The following ACSM1 variants were observed in gnomAD, a reference collection of about 807,000 sequenced individuals.
The protein encoded by ACSM1 is acyl-CoA synthetase medium chain family member 1.
ACSM1 carries 79 observed loss-of-function variants against 75.8 expected under a neutral mutation model. The observed-to-expected ratio is 1.04, with a 90% CI of 0.87 to 1.26. ACSM1 has a LOEUF of 1.26. ACSM1 is among the 50% of genes most tolerant of loss of function. ACSM1 has a pLI of 0.00. For synonymous variants in ACSM1, 279 were observed against 265.8 expected (o/e 1.05, Z -0.48); for missense variants, 676 against 720.1 (o/e 0.94, Z 0.70).
chr16:20,670,247 T>C (rs2019820527), intron 5 of ACSM1, among the ~76,000 whole-genome samples: 1 of 152,182 alleles, frequency 6.6e-6, no homozygotes, highest in Non-Finnish European at 1.5e-5. Flanking sequence ...AGACATGTCA[T>C]CCCTATCCAT....
At chr16:20,635,457 C>G (rs1445444980) in intron 10 of ACSM1, among the ~76,000 whole-genome samples, 1 of 152,068 alleles carries the variant, frequency 6.6e-6, no homozygotes, top group Non-Finnish European at 1.5e-5. Flanking sequence ...CTGGTTGCAT[C>G]CAAGTACTAC....
intron 2 of ACSM1, 152 bp from the exon 3 acceptor site, chr16:20,685,555 C>T (rs1247905382): frequency 2.7e-6 from 2 of 745,042 alleles, no homozygotes; most frequent in Non-Finnish European, 2.3e-6. Context: ...GGCGCAGTGG[C>T]TCATGCTTGT....
At chr16:20,635,164 G>A (rs559492049) in intron 10 of ACSM1, among the ~76,000 whole-genome samples, 110 of 152,234 alleles carry the variant, frequency 7.2e-4, no homozygotes, top group African/African-American at 2.6e-3. Context: ...GGAGGCTGAG[G>A]CAGGGGGGTT....
Position 20,654,008 on chromosome 16 carries a change from C to T in ACSM1, c.992+7786G>A, listed in dbSNP as rs370337302. On this transcript the variant is annotated intron_variant, in intron 7 of 13. Coordinates refer to ENST00000520010, the MANE Select transcript of ACSM1 (RefSeq NM_001318890.3). Reference sequence around the variant, plus strand: ...CGCGCTACCTGACTTCAAACGATACCACAAGGCTACAGTAACCAAAACAGC... The same window carrying T: ...CGCGCTACCTGACTTCAAACGATACTACAAGGCTACAGTAACCAAAACAGC... 2.0e-5 allele frequency among the ~76,000 whole-genome samples: 3 copies of T among 152,172 alleles called. No individual in the cohort carries two copies. In the East Asian group the frequency reaches 5.8e-4, roughly 29 times the overall value.
intron 10 of ACSM1, among the ~76,000 whole-genome samples, chr16:20,627,869 C>CATACATATATACATAT (rs1449856164): frequency 1.8e-4 from 14 of 77,536 alleles, no homozygotes; most frequent in Non-Finnish European, 2.2e-4. Context: ...TGTATGTATA[C>CATACATATATACATAT]ATATATATAT....
intron 7 of ACSM1, among the ~76,000 whole-genome samples, chr16:20,657,678 A>G (rs912862263): frequency 6.6e-6 from 1 of 151,994 alleles, no homozygotes; most frequent in African/African-American, 2.4e-5. Context: ...ACATATGGAT[A>G]CATGTGCCAC....
At chr16:20,646,905 A>G (rs1177962102) in intron 7 of ACSM1, among the ~76,000 whole-genome samples, 2 of 152,234 alleles carry the variant, frequency 1.3e-5, no homozygotes, top group African/African-American at 4.8e-5. Flanking sequence ...ATTCCTGCCT[A>G]AAGATAATTT....
chr16:20,669,986 A>T lies in ACSM1; in HGVS notation c.753T>A (p.Ser251Arg). 6.2e-7 allele frequency: 1 copy of T among 1,613,418 alleles called. No individual in the cohort carries two copies. The highest frequency in any genetic ancestry group is 8.5e-7 in the Non-Finnish European group (1 of 1,179,728). The stretch of plus-strand genomic sequence containing the variant: ...ATGTCTTCAGGCTCCGTAATTTCCT[A>T]CTAACTCCAAAATGCAGTGGCCTCA... ...GLALQPSFPG[S>R]RKLRSLKTSD... The change falls in exon 6 of 14, where the codon AGT (serine) becomes AGA (arginine). Residue 251 changes from serine (S) to arginine (R), a missense_variant and splice_region_variant. By Grantham distance (110) the Ser-to-Arg change is moderately radical. Transcript: ENST00000520010.
intron 10 of ACSM1, among the ~76,000 whole-genome samples, chr16:20,632,446 A>G (rs905954736): frequency 3.3e-5 from 5 of 152,218 alleles, no homozygotes; most frequent in Admixed American, 3.3e-4. Flanking sequence ...GATAAAATGG[A>G]AAAACTACTG....
At chr16:20,687,825 T>C (rs2079580089) in intron 2 of ACSM1, among the ~76,000 whole-genome samples, 1 of 152,146 alleles carries the variant, frequency 6.6e-6, no homozygotes, top group Admixed American at 6.5e-5. Flanking sequence ...GGCTCATGCC[T>C]GTAAACCCAG....
rs562111395 is a variant in ACSM1 at position 20,654,254 on chromosome 16, A to T, written c.992+7540T>A. ...CCCCTTATACAAAAGTTAATTGAAG[A>T]TGGATTAAAGACTGAAATGTTAGAC... is the stretch of plus-strand genomic sequence containing the variant. On this transcript the variant is annotated intron_variant, in intron 7 of 13. Coordinates refer to ENST00000520010, the MANE Select transcript of ACSM1 (RefSeq NM_001318890.3). Among the ~76,000 whole-genome samples, 3 of 152,340 alleles carry T rather than the reference A, an allele frequency of 2.0e-5. No individual in the cohort carries two copies. In the South Asian group the frequency reaches 6.2e-4, roughly 32 times the overall value.
intron 4 of ACSM1, among the ~76,000 whole-genome samples, chr16:20,673,838 CAAT>C (rs1344574782): frequency 1.3e-5 from 2 of 152,118 alleles, no homozygotes; most frequent in African/African-American, 2.4e-5. Context: ...ATATGTAACA[CAAT>C]AACCCCCTGA....
At chr16:20,658,808 A>G (rs992832994) in intron 7 of ACSM1, among the ~76,000 whole-genome samples, 1 of 152,204 alleles carries the variant, frequency 6.6e-6, no homozygotes, top group African/African-American at 2.4e-5. Flanking sequence ...TTGGCCGGAA[A>G]AGAGATTAAA....
intron 10 of ACSM1, among the ~76,000 whole-genome samples, chr16:20,633,215 T>C (rs1346161576): frequency 6.6e-6 from 1 of 152,098 alleles, no homozygotes; most frequent in Non-Finnish European, 1.5e-5. Flanking sequence ...AAAGATGAAG[T>C]AAAATTATCT....
At chr16:20,668,396 G>A (rs1253664303) in intron 6 of ACSM1, among the ~76,000 whole-genome samples, 1 of 152,120 alleles carries the variant, frequency 6.6e-6, no homozygotes, top group African/African-American at 2.4e-5. Flanking sequence ...GATGGGAAGG[G>A]TGGTCAGTCT....
At chr16:20,677,076 C>A (rs1019955207) in intron 4 of ACSM1, among the ~76,000 whole-genome samples, 5 of 152,058 alleles carry the variant, frequency 3.3e-5, no homozygotes, top group African/African-American at 1.2e-4. Flanking sequence ...CTACTCCAAC[C>A]ACCTGGTGTC....
At chr16:20,628,136 G>A (rs1033792832) in intron 10 of ACSM1, among the ~76,000 whole-genome samples, 3 of 151,674 alleles carry the variant, frequency 2.0e-5, no homozygotes, top group South Asian at 2.1e-4. Flanking sequence ...TTCATTTTAA[G>A]ACAAATGTGG....
chr16:20,657,419 C>T (rs2019036717), intron 7 of ACSM1, among the ~76,000 whole-genome samples: 1 of 152,070 alleles, frequency 6.6e-6, no homozygotes, highest in Non-Finnish European at 1.5e-5. Flanking sequence ...AGCAATTTTC[C>T]TGCCTCAGCC....
chr16:20,637,188 G>C, intron 9 of ACSM1, 183 bp downstream of exon 9: 1 of 770,556 alleles, frequency 1.3e-6, no homozygotes, highest in Non-Finnish European at 2.4e-6. Context: ...GGTCAGCGGT[G>C]TTCATGCTCA....
Sources: allele counts gnomAD v4.1 joint callset (sites outside exome capture counted in the v4.1 genomes callset), GRCh38; gene constraint gnomAD v4.1.1; transcripts MANE v1.5; gene names NCBI Gene and HGNC (gene_info 2026-07-23, HGNC 2026-07-21).